RAPGEF5: variants seen among roughly 807,000 people sequenced by gnomAD.
The protein encoded by RAPGEF5 is M-Ras-regulated GEF.
A neutral mutation model predicts 125.2 loss-of-function variants in RAPGEF5; 65 were observed. The ratio of observed to expected loss-of-function variants is 0.52; its 90% CI spans 0.43 to 0.64. RAPGEF5 has a LOEUF of 0.64. Ranked by LOEUF, RAPGEF5 falls within the 30% of genes least tolerant of loss-of-function variation. The probability of loss-of-function intolerance (pLI) is 0.00; values close to 1 mark genes in which losing one functional copy is unlikely to be tolerated. For synonymous variants in RAPGEF5, 391 were observed against 385.9 expected, an observed-to-expected ratio of 1.01 and a Z score of -0.16; for missense variants, 958 against 1,048.1, an observed-to-expected ratio of 0.91 and a Z score of 1.19.
At chr7:22,187,138 C>T (rs1784849416) in intron 11 of RAPGEF5, among the ~76,000 whole-genome samples, 1 of 152,128 alleles carries the variant, frequency 6.6e-6, no homozygotes, top group African/African-American at 2.4e-5. Context: ...CCTAAGCCCT[C>T]GTGCAAGGGC....
intron 6 of RAPGEF5, among the ~76,000 whole-genome samples, chr7:22,287,044 G>A (rs557045787): frequency 1.3e-5 from 2 of 152,318 alleles, no homozygotes; most frequent in African/African-American, 4.8e-5. Flanking sequence ...AATGCGGAAA[G>A]TCACACTGCT....
intron 11 of RAPGEF5, chr7:22,193,114 C>A (rs1033879563): frequency 3.7e-6 from 2 of 541,222 alleles, no homozygotes; most frequent in Non-Finnish European, 6.5e-6. Context: ...GGAAAAATTG[C>A]CAAAGAAACA....
chr7:22,132,694 C>T (rs1782952340), intron 23 of RAPGEF5, among the ~76,000 whole-genome samples: 1 of 152,172 alleles, frequency 6.6e-6, no homozygotes, highest in African/African-American at 2.4e-5. Context: ...GTCCATTTCC[C>T]CTGCATTACA....
chr7:22,125,543 G>T lies in RAPGEF5; in HGVS notation c.2536+61C>A. 2.7e-6 allele frequency: 4 copies of T among 1,482,812 alleles called. No homozygotes were observed. In the South Asian group the frequency reaches 4.5e-5, roughly 17 times the overall value. 91.9% of individuals were successfully genotyped at this position (1,482,812 alleles called of 1,614,324 possible). A position where few individuals can be genotyped will look rare whatever the true frequency, so the allele number is the denominator to read the frequency against. ...AAATTGATTACCACCCAATACTTGTGACCACAGTTGGTACCAACGTAGAGT... is the reference window on the plus strand; with the variant it reads ...AAATTGATTACCACCCAATACTTGTTACCACAGTTGGTACCAACGTAGAGT... On this transcript the variant is annotated intron_variant, in intron 25 of 25. Coordinates refer to ENST00000665637, the MANE Select transcript of RAPGEF5 (RefSeq NM_012294.5).
chr7:22,265,785 G>A (rs1782267607), intron 7 of RAPGEF5, among the ~76,000 whole-genome samples: 1 of 152,126 alleles, frequency 6.6e-6, no homozygotes, highest in Non-Finnish European at 1.5e-5. Flanking sequence ...CTGGGATGAG[G>A]AGAAATCTCA....
chr7:22,131,020 TA>T lies in RAPGEF5; in HGVS notation c.2481+16del. 6.5e-7 allele frequency: 1 copy of T among 1,540,662 alleles called. No homozygotes were observed. The highest frequency in any genetic ancestry group is 8.8e-7 in the Non-Finnish European group (1 of 1,141,634). On this transcript the variant is annotated intron_variant, in intron 24 of 25. Coordinates refer to ENST00000665637, the MANE Select transcript of RAPGEF5 (RefSeq NM_012294.5). ...TCTGTTACTGTAAAAAAGGGAGAAG[TA>T]ATGAAATTTACGTACCAGCTTTTCA...
At chr7:22,259,570 T>C (rs1782094223) in intron 7 of RAPGEF5, among the ~76,000 whole-genome samples, 1 of 152,218 alleles carries the variant, frequency 6.6e-6, no homozygotes, top group East Asian at 1.9e-4. Context: ...GCTTTATTCA[T>C]AATTGCCAAA....
chr7:22,318,285 T>C (rs2128155189), intron 1 of RAPGEF5, among the ~76,000 whole-genome samples: 1 of 152,310 alleles, frequency 6.6e-6, no homozygotes, highest in Non-Finnish European at 1.5e-5. Flanking sequence ...AGAAGTACAG[T>C]AGAAAGACTG....
At chr7:22,213,052 C>T (rs1293837908) in intron 9 of RAPGEF5, among the ~76,000 whole-genome samples, 2 of 152,150 alleles carry the variant, frequency 1.3e-5, no homozygotes, top group Non-Finnish European at 2.9e-5. Context: ...CAAACTGAGC[C>T]AGTATCAATG....
At chr7:22,161,578 ACAC>A (rs984037142) in intron 13 of RAPGEF5, among the ~76,000 whole-genome samples, 9 of 149,984 alleles carry the variant, frequency 6.0e-5, no homozygotes, top group Non-Finnish European at 1.3e-4. Context: ...ACACACACAC[ACAC>A]AATTCCACAT....
chr7:22,141,817 C>A (rs77632718), intron 20 of RAPGEF5, among the ~76,000 whole-genome samples: 18 of 152,302 alleles, frequency 1.2e-4, no homozygotes, highest in African/African-American at 3.8e-4. Context: ...TGACCCCTTA[C>A]GTGGTTTTTT....
intron 9 of RAPGEF5, among the ~76,000 whole-genome samples, chr7:22,219,588 G>T (rs1785727625): frequency 6.6e-6 from 1 of 151,666 alleles, no homozygotes; most frequent in African/African-American, 2.4e-5. Flanking sequence ...ACCCAAGCAG[G>T]ATCATAAATA....
rs996133451 is a variant in RAPGEF5 at position 22,194,115 on chromosome 7, C to A, written c.997-82G>T. On this transcript the variant is annotated intron_variant, in intron 9 of 25. Coordinates refer to ENST00000665637, the MANE Select transcript of RAPGEF5 (RefSeq NM_012294.5). ...AAGTGGGGGGAAAATGGAGCTAACT[C>A]AAGCTGTATTTTCTAGAGTTGCTTT... is the stretch of plus-strand genomic sequence containing the variant. 47 of 1,206,044 alleles carry A rather than the reference C, an allele frequency of 3.9e-5. No homozygotes were observed. The African/African-American group carries it at 6.1e-4, about 16-fold the overall frequency. The allele number at this position is 1,206,044 out of a possible 1,614,324, so 74.7% of individuals were successfully genotyped here.
chr7:22,227,180 A>T (rs998230738), intron 8 of RAPGEF5, among the ~76,000 whole-genome samples: 1 of 151,986 alleles, frequency 6.6e-6, no homozygotes, highest in Non-Finnish European at 1.5e-5. Context: ...TCAGACTTGT[A>T]TACATTCTTG....
At chr7:22,339,437 G>A (rs961936353) in intron 1 of RAPGEF5, among the ~76,000 whole-genome samples, 1 of 152,092 alleles carries the variant, frequency 6.6e-6, no homozygotes, top group East Asian at 1.9e-4. Flanking sequence ...GTTTTAGTAA[G>A]AAAGAAAGAA....
chr7:22,176,068 G>A (rs1784497388), intron 11 of RAPGEF5, among the ~76,000 whole-genome samples: 1 of 152,098 alleles, frequency 6.6e-6, no homozygotes, highest in East Asian at 1.9e-4. Flanking sequence ...CATGGCTCAG[G>A]AGGCCTCACA....
At chr7:22,219,024 T>C (rs1054814243) in intron 9 of RAPGEF5, among the ~76,000 whole-genome samples, 2 of 152,128 alleles carry the variant, frequency 1.3e-5, no homozygotes, top group African/African-American at 4.8e-5. Context: ...GAAGCAATGT[T>C]TTCCCCCTTG....
At chr7:22,251,701 T>C (rs1786624086) in intron 7 of RAPGEF5, among the ~76,000 whole-genome samples, 1 of 136,806 alleles carries the variant, frequency 7.3e-6, no homozygotes, top group Non-Finnish European at 1.5e-5. Flanking sequence ...TAAAAACCTG[T>C]CCACATTGGG....
At chr7:22,153,846 A>G (rs74430033) in intron 17 of RAPGEF5, among the ~76,000 whole-genome samples, 6,687 of 152,252 alleles carry the variant, frequency 0.044, 245 homozygotes, top group African/African-American at 0.096. Flanking sequence ...GAAAACGAAG[A>G]GGTCTGTTCA....
Sources: gnomAD v4.1 joint callset for allele counts (sites outside exome capture counted in the v4.1 genomes callset) on GRCh38, gnomAD v4.1.1 for gene constraint, MANE v1.5 for transcripts, NCBI Gene and HGNC (gene_info 2026-07-23, HGNC 2026-07-21) for gene names.